The following SPAG16 variants were observed in gnomAD, a reference collection of about 807,000 sequenced individuals.
The protein encoded by SPAG16 is sperm-associated antigen 16 protein.
SPAG16 carries 86 observed loss-of-function variants against 80.4 expected under a neutral mutation model. The ratio of observed to expected loss-of-function variants is 1.07; its 90% CI spans 0.90 to 1.28. The LOEUF is 1.28. Among genes scored for constraint, SPAG16 ranks in the 50% most tolerant of loss-of-function variants. The pLI is 0.00. For synonymous variants in SPAG16, 294 were observed against 265.9 expected (o/e 1.11, Z -1.03); for missense variants, 870 against 765.3 (o/e 1.14, Z -1.61).
rs117283167 is a variant in SPAG16 at position 214,198,654 on chromosome 2, T to C, written c.1720+49388T>C. Reference sequence around the variant, plus strand: ...CTGGATCGAATGGTAGTTATACTTTTAGTTCTTTAAGGAGGCTCTATACTG... The same window carrying C: ...CTGGATCGAATGGTAGTTATACTTTCAGTTCTTTAAGGAGGCTCTATACTG... On this transcript the variant is annotated intron_variant, in intron 15 of 15. Transcript: ENST00000331683. 5.3e-4 allele frequency among the ~76,000 whole-genome samples: 81 copies of C among 152,248 alleles called. No individual in the cohort carries two copies. In the East Asian group the frequency reaches 0.014, roughly 27 times the overall value.
intron 10 of SPAG16, among the ~76,000 whole-genome samples, chr2:213,785,368 T>G (rs2070272242): frequency 6.6e-6 from 1 of 152,330 alleles, no homozygotes; most frequent in African/African-American, 2.4e-5. Context: ...AGGATGATCT[T>G]AAAACTTTGA....
chr2:213,842,888 C>G (rs2074430947), intron 10 of SPAG16, among the ~76,000 whole-genome samples: 1 of 152,166 alleles, frequency 6.6e-6, no homozygotes, highest in Admixed American at 6.6e-5. Context: ...GCCTCAGTCT[C>G]CTGAGTGGCT....
chr2:214,303,485 T>A (rs1304946127), intron 15 of SPAG16, among the ~76,000 whole-genome samples: 1 of 152,184 alleles, frequency 6.6e-6, no homozygotes, highest in Non-Finnish European at 1.5e-5. Flanking sequence ...TGTTTAGAAA[T>A]GCATACTTAT....
At chr2:213,362,973 A>G (rs769794705) in intron 7 of SPAG16, among the ~76,000 whole-genome samples, 1 of 152,190 alleles carries the variant, frequency 6.6e-6, no homozygotes, top group Non-Finnish European at 1.5e-5. Flanking sequence ...TCCAAACTAT[A>G]TCAGTCTGAG....
intron 15 of SPAG16, among the ~76,000 whole-genome samples, chr2:214,328,812 T>G (rs1339449933): frequency 6.6e-6 from 1 of 152,196 alleles, no homozygotes; most frequent in East Asian, 1.9e-4. Flanking sequence ...CTTCAATTCA[T>G]GTACATGTGA....
chr2:214,132,568 C>T (rs1386675975), intron 14 of SPAG16, among the ~76,000 whole-genome samples: 1 of 152,048 alleles, frequency 6.6e-6, no homozygotes. Context: ...CATTGTGTCA[C>T]TTAGAGGACT....
At chr2:214,141,717 A>G (rs1008446255) in intron 14 of SPAG16, among the ~76,000 whole-genome samples, 1 of 152,140 alleles carries the variant, frequency 6.6e-6, no homozygotes, top group African/African-American at 2.4e-5. Flanking sequence ...ACATTATCCC[A>G]CTGGTTCTAA....
intron 10 of SPAG16, among the ~76,000 whole-genome samples, chr2:213,543,561 T>C (rs2076522608): frequency 6.6e-6 from 1 of 152,036 alleles, no homozygotes; most frequent in Non-Finnish European, 1.5e-5. Context: ...CAGATATACA[T>C]ATTTAATTCT....
At chr2:213,871,033 T>C (rs1157789547) in intron 11 of SPAG16, among the ~76,000 whole-genome samples, 1 of 152,086 alleles carries the variant, frequency 6.6e-6, no homozygotes, top group Non-Finnish European at 1.5e-5. Flanking sequence ...ATTATGTAAT[T>C]TTAGGGACAT....
At chr2:213,888,102 C>G (rs1478002829) in intron 11 of SPAG16, among the ~76,000 whole-genome samples, 1 of 151,882 alleles carries the variant, frequency 6.6e-6, no homozygotes, top group Non-Finnish European at 1.5e-5. Flanking sequence ...CTTGAAGGAG[C>G]AAGAACTGTG....
At chr2:213,541,244 AG>A (rs542743459) in intron 10 of SPAG16, among the ~76,000 whole-genome samples, 124 of 152,322 alleles carry the variant, frequency 8.1e-4, no homozygotes, top group Admixed American at 1.6e-3. Context: ...TAGTCTCTAG[AG>A]GAAAATCCCT....
chr2:213,634,250 G>C (rs1170622499), intron 10 of SPAG16, among the ~76,000 whole-genome samples: 1 of 152,034 alleles, frequency 6.6e-6, no homozygotes, highest in East Asian at 1.9e-4. Flanking sequence ...ATTTTAACCT[G>C]ATAAAATCAC....
intron 14 of SPAG16, among the ~76,000 whole-genome samples, chr2:214,138,544 A>G (rs2055181726): frequency 6.6e-6 from 1 of 152,176 alleles, no homozygotes; most frequent in Admixed American, 6.6e-5. Flanking sequence ...TTTGAGGACC[A>G]TACATCCTTT....
At chr2:213,392,035 G>A (rs1461609560) in intron 9 of SPAG16, among the ~76,000 whole-genome samples, 1 of 152,074 alleles carries the variant, frequency 6.6e-6, no homozygotes, top group Non-Finnish European at 1.5e-5. Context: ...TTTCTTTAAT[G>A]AAAAAATGGA....
intron 10 of SPAG16, among the ~76,000 whole-genome samples, chr2:213,638,063 T>C (rs1405889393): frequency 6.6e-6 from 1 of 152,180 alleles, no homozygotes; most frequent in East Asian, 1.9e-4. Context: ...GGCTGATCTT[T>C]TGTATTTCTA....
At chr2:213,599,968 G>A (rs2061007172) in intron 10 of SPAG16, among the ~76,000 whole-genome samples, 3 of 152,204 alleles carry the variant, frequency 2.0e-5, no homozygotes, top group Non-Finnish European at 2.9e-5. Context: ...TTACAGGCAT[G>A]AGCCGCTGCG....
intron 10 of SPAG16, among the ~76,000 whole-genome samples, chr2:213,493,036 A>G (rs1412326866): frequency 1.3e-5 from 2 of 152,188 alleles, no homozygotes; most frequent in Non-Finnish European, 2.9e-5. Flanking sequence ...TTTGTGTCAG[A>G]TCTGGTTAAC....
intron 15 of SPAG16, among the ~76,000 whole-genome samples, chr2:214,268,058 C>T (rs987018663): frequency 7.3e-5 from 11 of 151,550 alleles, no homozygotes; most frequent in Admixed American, 6.6e-4. Context: ...AAATTGCCAA[C>T]AGATACATGA....
At chr2:213,369,773 G>A (rs942241354) in intron 8 of SPAG16, among the ~76,000 whole-genome samples, 2 of 152,010 alleles carry the variant, frequency 1.3e-5, no homozygotes, top group African/African-American at 2.4e-5. Flanking sequence ...TGAGTGGAAG[G>A]TACAGTGATT....
Sources: allele counts gnomAD v4.1 joint callset (sites outside exome capture counted in the v4.1 genomes callset), GRCh38; gene constraint gnomAD v4.1.1; transcripts MANE v1.5; gene names NCBI Gene and HGNC (gene_info 2026-07-23, HGNC 2026-07-21).